The following ROBO2 variants were observed in gnomAD, a reference collection of about 807,000 sequenced individuals.
ROBO2 encodes the protein roundabout homolog 2.
A neutral mutation model predicts 160.8 loss-of-function variants in ROBO2; 53 were observed. The ratio of observed to expected loss-of-function variants is 0.33; its 90% CI spans 0.26 to 0.41. The LOEUF is 0.41. Among genes scored for constraint, ROBO2 ranks in the 10% least tolerant of loss-of-function variants. ROBO2 has a pLI of 1.00. For missense variants in ROBO2, 1,577 were observed against 1,722.4 expected (o/e 0.92, Z 1.49); for synonymous variants, 664 against 611.7 (o/e 1.09, Z -1.26).
intron 1 of ROBO2, among the ~76,000 whole-genome samples, chr3:77,053,712 T>C (rs1446798746): frequency 6.6e-6 from 1 of 152,162 alleles, no homozygotes; most frequent in Non-Finnish European, 1.5e-5. Flanking sequence ...TATACAAAAA[T>C]TTAGGCAGCA....
chr3:76,753,679 G>C (rs9811731), intron 2 of ROBO2, among the ~76,000 whole-genome samples: 3 of 151,674 alleles, frequency 2.0e-5, no homozygotes, highest in African/African-American at 7.3e-5. Flanking sequence ...TAAAAAAAGA[G>C]ACCATTGCTA....
At chr3:76,189,892 AAGGC>A in intron 2 of ROBO2, among the ~76,000 whole-genome samples, 1 of 152,098 alleles carries the variant, frequency 6.6e-6, no homozygotes, top group East Asian at 1.9e-4. Context: ...CACTTGTCTA[AAGGC>A]ATACAAAGAA....
chr3:76,778,712 A>ACTT (rs2108580998), intron 2 of ROBO2, among the ~76,000 whole-genome samples: 1 of 151,228 alleles, frequency 6.6e-6, no homozygotes, highest in East Asian at 2.0e-4. Flanking sequence ...GCATGGTCTG[A>ACTT]TATGCAGATT....
At chr3:77,172,167 C>G (rs2079699750) in intron 2 of ROBO2, among the ~76,000 whole-genome samples, 1 of 152,124 alleles carries the variant, frequency 6.6e-6, no homozygotes, top group African/African-American at 2.4e-5. Context: ...ATGAAAATGT[C>G]TCCGCATGCT....
chr3:76,163,977 T>A (rs1409026231), intron 2 of ROBO2, among the ~76,000 whole-genome samples: 1 of 152,236 alleles, frequency 6.6e-6, no homozygotes, highest in African/African-American at 2.4e-5. Context: ...CATGCAATGC[T>A]GTTTGACAGC....
chr3:77,546,078 T>A (rs968106203), intron 6 of ROBO2, among the ~76,000 whole-genome samples: 1 of 152,142 alleles, frequency 6.6e-6, no homozygotes, highest in African/African-American at 2.4e-5. Context: ...AAATCTAATT[T>A]TCTATGCAAG....
intron 2 of ROBO2, among the ~76,000 whole-genome samples, chr3:76,635,819 C>T (rs765261037): frequency 2.0e-5 from 3 of 152,156 alleles, no homozygotes; most frequent in Non-Finnish European, 4.4e-5. Flanking sequence ...TTATTGTAGC[C>T]AATGTTTTCC....
At chr3:77,408,096 CAAAAA>C (rs200992126) in intron 2 of ROBO2, among the ~76,000 whole-genome samples, 13 of 134,192 alleles carry the variant, frequency 9.7e-5, no homozygotes, top group Non-Finnish European at 1.6e-4. Context: ...AGAACAAAAA[CAAAAA>C]AAAAAATAAA....
intron 2 of ROBO2, among the ~76,000 whole-genome samples, chr3:77,206,781 T>C (rs559001109): frequency 6.6e-6 from 1 of 152,332 alleles, no homozygotes; most frequent in Non-Finnish European, 1.5e-5. Context: ...AAGTTTTTGA[T>C]GGACATTCTA....
chr3:76,518,493 A>C (rs2081447574), intron 2 of ROBO2, among the ~76,000 whole-genome samples: 1 of 152,120 alleles, frequency 6.6e-6, no homozygotes, highest in Non-Finnish European at 1.5e-5. Flanking sequence ...GGCGTCTCTG[A>C]AAGTTCCATA....
chr3:76,422,765 G>C (rs573360420), intron 2 of ROBO2, among the ~76,000 whole-genome samples: 1 of 152,120 alleles, frequency 6.6e-6, no homozygotes, highest in Middle Eastern at 3.4e-3. Context: ...AAATAAAATA[G>C]AAGTAAATAA....
chr3:76,812,963 A>G (rs2065334544), intron 2 of ROBO2, among the ~76,000 whole-genome samples: 1 of 148,790 alleles, frequency 6.7e-6, no homozygotes, highest in Non-Finnish European at 1.5e-5. Flanking sequence ...ACACAAATCA[A>G]AAAGACACTT....
At chr3:76,430,553 G>A (rs965100652) in intron 2 of ROBO2, among the ~76,000 whole-genome samples, 1 of 151,778 alleles carries the variant, frequency 6.6e-6, no homozygotes, top group Non-Finnish European at 1.5e-5. Flanking sequence ...ATCAATAGGT[G>A]CTAAATCACT....
chr3:76,092,574 C>T (rs2069278884), intron 2 of ROBO2, among the ~76,000 whole-genome samples: 2 of 152,156 alleles, frequency 1.3e-5, no homozygotes, highest in Admixed American at 6.5e-5. Context: ...GGATCTGGGT[C>T]ATTGTTACTC....
chr3:75,972,458 T>A (rs537317115), intron 2 of ROBO2, among the ~76,000 whole-genome samples: 28 of 151,656 alleles, frequency 1.8e-4, no homozygotes, highest in African/African-American at 6.8e-4. Flanking sequence ...AAAGACAAAT[T>A]CTGGAAAATG....
At chr3:76,797,869 T>C (rs1020133181) in intron 2 of ROBO2, among the ~76,000 whole-genome samples, 1 of 151,614 alleles carries the variant, frequency 6.6e-6, no homozygotes, top group African/African-American at 2.4e-5. Context: ...GATTCAACCA[T>C]GAAGAAATGT....
At chr3:76,271,066 A>G (rs2107626708) in intron 2 of ROBO2, among the ~76,000 whole-genome samples, 1 of 152,208 alleles carries the variant, frequency 6.6e-6, no homozygotes, top group African/African-American at 2.4e-5. Flanking sequence ...AGCCACTGCT[A>G]CTAGTAGGTG....
chr3:76,240,573 G>A (rs1207306608), intron 2 of ROBO2, among the ~76,000 whole-genome samples: 7 of 152,152 alleles, frequency 4.6e-5, no homozygotes, highest in Admixed American at 4.6e-4. Flanking sequence ...AATAATCTAA[G>A]TGCTATGATT....
intron 2 of ROBO2, among the ~76,000 whole-genome samples, chr3:77,348,505 C>A (rs1016068622): frequency 3.9e-5 from 6 of 152,054 alleles, no homozygotes; most frequent in Non-Finnish European, 8.8e-5. Context: ...GACCTTGGGT[C>A]GACCTCCTAT....
Sources: gnomAD v4.1 joint callset for allele counts (sites outside exome capture counted in the v4.1 genomes callset) on GRCh38, gnomAD v4.1.1 for gene constraint, MANE v1.5 for transcripts, NCBI Gene and HGNC (gene_info 2026-07-23, HGNC 2026-07-21) for gene names.